The following TTC27 variants were observed in gnomAD, a reference collection of about 807,000 sequenced individuals.
TTC27 encodes tetratricopeptide repeat protein 27.
In TTC27, 79 loss-of-function variants were observed where a neutral mutation model predicts 115.9. The ratio of observed to expected loss-of-function variants is 0.68; its 90% CI spans 0.57 to 0.82. The LOEUF (loss-of-function observed/expected upper bound fraction) is 0.82. Ranked by LOEUF, TTC27 falls within the 40% of genes least tolerant of loss-of-function variation. The pLI is 0.00. For synonymous variants in TTC27, 401 were observed against 356.0 expected (o/e 1.13, Z -1.42); for missense variants, 1,054 against 993.1 (o/e 1.06, Z -0.82).
rs778504606 is a variant in TTC27 at position 32,787,063 on chromosome 2, A to G, written c.1912A>G (p.Thr638Ala). Residue 638 changes from threonine (T) to alanine (A), a missense_variant, in exon 16 of 20, where the codon ACC becomes GCC. By Grantham distance (58) the Thr-to-Ala change is moderately conservative (BLOSUM62 0). Coordinates refer to ENST00000317907, the MANE Select transcript of TTC27 (RefSeq NM_017735.5). ...GCAGATTTGGGAAAACTACATCCTC[A>G]CCAGCACTGACGTTGGGGAATTTTC... ...HWQIWENYIL[T>A]STDVGEFSEA... 2 of 1,613,956 alleles carry G rather than the reference A, an allele frequency of 1.2e-6. No individual in the cohort carries two copies. The highest frequency in any genetic ancestry group is 2.7e-5 in the African/African-American group (2 of 74,904).
At chr2:32,712,827 A>G (rs1667627806) in intron 10 of TTC27, among the ~76,000 whole-genome samples, 1 of 152,196 alleles carries the variant, frequency 6.6e-6, no homozygotes, top group Non-Finnish European at 1.5e-5. Context: ...GATTACAGGC[A>G]TGAGACACTG....
At chr2:32,801,112 G>C (rs1187450115) in intron 16 of TTC27, among the ~76,000 whole-genome samples, 1 of 152,158 alleles carries the variant, frequency 6.6e-6, no homozygotes, top group Admixed American at 6.5e-5. Context: ...ACCAGAAAAT[G>C]ATTTCCAGAA....
intron 16 of TTC27, among the ~76,000 whole-genome samples, chr2:32,795,522 G>A (rs1670667697): frequency 6.7e-6 from 1 of 148,658 alleles, no homozygotes; most frequent in East Asian, 2.0e-4. Context: ...AAGACTGAAA[G>A]CTTCTTTTCT....
chr2:32,645,236 A>G (rs760088724), intron 4 of TTC27, among the ~76,000 whole-genome samples: 2 of 152,190 alleles, frequency 1.3e-5, no homozygotes, highest in Non-Finnish European at 2.9e-5. Flanking sequence ...AATTGGTACT[A>G]TGTAAGTGGT....
chr2:32,723,728 C>CTCCTTCCTTCCTTCCTTCCTTCCTCCCT (rs1668011010), intron 10 of TTC27, among the ~76,000 whole-genome samples: 1 of 29,514 alleles, frequency 3.4e-5, no homozygotes. Context: ...CCCTCCCTCC[C>CTCCTTCCTTCCTTCCTTCCTTCCTCCCT]TCCTTCCTTC....
chr2:32,789,921 CAAAAAAAAAAAA>C (rs34859954), intron 16 of TTC27, among the ~76,000 whole-genome samples: 3 of 25,938 alleles, frequency 1.2e-4, no homozygotes, highest in Non-Finnish European at 2.0e-4. Flanking sequence ...ACCCTGTCTC[CAAAAAAAAAAAA>C]AAAAAAAAAA....
At chr2:32,689,656 T>G (rs901364958) in intron 9 of TTC27, among the ~76,000 whole-genome samples, 9 of 152,162 alleles carry the variant, frequency 5.9e-5, no homozygotes, top group African/African-American at 2.2e-4. Flanking sequence ...TTGGGGGTAC[T>G]TTTGACCCTT....
Position 32,815,834 on chromosome 2 carries a change from C to G in TTC27, c.2309-1623C>G, listed in dbSNP as rs77819840. On this transcript the variant is annotated intron_variant, in intron 18 of 19. Coordinates refer to ENST00000317907, the MANE Select transcript of TTC27 (RefSeq NM_017735.5). The stretch of plus-strand genomic sequence containing the variant: ...CCTTTTGAAAATGGGCTTAACATTG[C>G]TAATTATTATGCATCCTCTCACCCT... Among the ~76,000 whole-genome samples the G allele has an allele frequency of 7.2e-5, 11 of 152,256 alleles. No homozygotes were observed. The East Asian group carries it at 2.1e-3, about 29-fold the overall frequency.
rs568177601 is a variant in TTC27 at position 32,712,638 on chromosome 2, A to C, written c.1233+9718A>C. 2.9e-4 allele frequency among the ~76,000 whole-genome samples: 44 copies of C among 151,176 alleles called. 2 individuals are homozygous for C. The South Asian group carries it at 8.2e-3, about 28-fold the overall frequency. On this transcript the variant is annotated intron_variant, in intron 10 of 19. Coordinates refer to ENST00000317907, the MANE Select transcript of TTC27 (RefSeq NM_017735.5). ...GCAATGGCATGATCTCGGGACTGCG[A>C]TCTCCACCTCCTGGGCTCACCTGTT...
chr2:32,706,457 T>C (rs757409763), intron 10 of TTC27, among the ~76,000 whole-genome samples: 1 of 152,136 alleles, frequency 6.6e-6, no homozygotes, highest in East Asian at 1.9e-4. Context: ...TATTTGTTGC[T>C]GTATTAAAAA....
intron 8 of TTC27, among the ~76,000 whole-genome samples, chr2:32,673,178 T>A (rs983803391): frequency 6.6e-6 from 1 of 152,066 alleles, no homozygotes; most frequent in East Asian, 1.9e-4. Context: ...TCCTTCAATT[T>A]GAGTTTGTCT....
rs2063524752 is a variant in TTC27 at position 32,628,245 on chromosome 2, G to A, written c.-48G>A. On this transcript the variant is annotated 5_prime_UTR_variant, in exon 1 of 20. The change creates a new upstream start codon in the 5' untranslated region. Coordinates refer to ENST00000317907, the MANE Select transcript of TTC27 (RefSeq NM_017735.5). ...TTTTCACTTTCTTTTGTTGACTCCC[G>A]TGTGGCCCTCGTGGGAGCCTGTTTT... is the stretch of plus-strand genomic sequence containing the variant. 2.6e-6 allele frequency: 4 copies of A among 1,556,330 alleles called. No individual in the cohort carries two copies. The highest frequency in any genetic ancestry group is 3.5e-6 in the Non-Finnish European group (4 of 1,142,524).
chr2:32,633,009 T>G (rs1664273820), intron 2 of TTC27, among the ~76,000 whole-genome samples: 1 of 152,248 alleles, frequency 6.6e-6, no homozygotes, highest in Non-Finnish European at 1.5e-5. Flanking sequence ...AATAGAGTTT[T>G]CACTAAAATA....
intron 10 of TTC27, among the ~76,000 whole-genome samples, chr2:32,728,485 T>A (rs1376586360): frequency 6.6e-6 from 1 of 152,194 alleles, no homozygotes; most frequent in Admixed American, 6.5e-5. Flanking sequence ...TAACTGAGCA[T>A]CTCCTTGATC....
chr2:32,798,521 G>A (rs1253910173), intron 16 of TTC27, among the ~76,000 whole-genome samples: 1 of 151,848 alleles, frequency 6.6e-6, no homozygotes, highest in Non-Finnish European at 1.5e-5. Flanking sequence ...GGCTAACACG[G>A]TGAAGCCCTG....
intron 16 of TTC27, among the ~76,000 whole-genome samples, chr2:32,805,211 A>G (rs1423862451): frequency 6.6e-6 from 1 of 152,198 alleles, no homozygotes; most frequent in African/African-American, 2.4e-5. Flanking sequence ...CATCTGCACA[A>G]TGCACATAAA....
chr2:32,676,507 T>TTTG (rs1269961894), intron 8 of TTC27, among the ~76,000 whole-genome samples: 3 of 151,156 alleles, frequency 2.0e-5, no homozygotes, highest in African/African-American at 4.9e-5. Flanking sequence ...TTTTTTTTTT[T>TTTG]TGGAGATGGA....
intron 10 of TTC27, chr2:32,704,722 C>A: frequency 2.6e-6 from 1 of 378,870 alleles, no homozygotes; most frequent in East Asian, 7.4e-5. Context: ...GGGTTTGATG[C>A]TTTTGAAGAT....
At position 32,671,411 on chromosome 2, in the gene TTC27, C is replaced by T. The variant is rs1666011663; in HGVS notation, c.940-861C>T. On this transcript the variant is annotated intron_variant, in intron 7 of 19. Coordinates refer to ENST00000317907, the MANE Select transcript of TTC27 (RefSeq NM_017735.5). ...CTGATCTCAAACTCCTGGCCTCAAG[C>T]TTCCTCCCACCTTGGCCTCCCAAAG... 2.0e-5 allele frequency among the ~76,000 whole-genome samples: 3 copies of T among 152,058 alleles called. No individual in the cohort carries two copies. In the South Asian group the frequency reaches 6.2e-4, roughly 32 times the overall value.
Sources: allele counts gnomAD v4.1 joint callset (sites outside exome capture counted in the v4.1 genomes callset), GRCh38; gene constraint gnomAD v4.1.1; transcripts MANE v1.5; gene names NCBI Gene and HGNC (gene_info 2026-07-23, HGNC 2026-07-21).